ZFHX4: variants seen among roughly 807,000 people sequenced by gnomAD.
ZFHX4 encodes the protein zinc finger homeobox protein 4.
Under a neutral mutation model 267.6 loss-of-function variants are expected in ZFHX4, and 56 were observed. The observed-to-expected ratio is 0.21, with a 90% CI of 0.17 to 0.26. The LOEUF (loss-of-function observed/expected upper bound fraction) is 0.26. ZFHX4 is among the 10% of genes least tolerant of loss of function. ZFHX4 has a pLI of 1.00. For missense variants in ZFHX4, 4,332 were observed against 4,420.0 expected, an observed-to-expected ratio of 0.98 and a Z score of 0.56; for synonymous variants, 1,778 against 1,665.6, an observed-to-expected ratio of 1.07 and a Z score of -1.64.
chr8:76,784,502 T>G (rs1479000462), intron 4 of ZFHX4, among the ~76,000 whole-genome samples: 1 of 152,030 alleles, frequency 6.6e-6, no homozygotes, highest in Non-Finnish European at 1.5e-5. Context: ...GCTCTAGCCA[T>G]GGGTGATGTG....
At chr8:76,736,758 TA>T (rs1176397261) in intron 3 of ZFHX4, among the ~76,000 whole-genome samples, 1 of 152,128 alleles carries the variant, frequency 6.6e-6, no homozygotes, top group African/African-American at 2.4e-5. Flanking sequence ...TGTCATGAAT[TA>T]ATGGTTGCTT....
At chr8:76,794,235 C>T (rs1050554508) in intron 4 of ZFHX4, among the ~76,000 whole-genome samples, 16 of 151,846 alleles carry the variant, frequency 1.1e-4, no homozygotes, top group African/African-American at 3.1e-4. Context: ...ACTTTTGCAC[C>T]GCTATAGCTG....
In ZFHX4 at chr8:76,856,041, C is replaced by T; in HGVS notation, c.9120C>T (p.Gly3040=). ...TTTCAAAAGTGAGGGAGACCGTTGG[C>T]AGTCAGCTCGATCGGGAGAAAGATT... The part of the protein sequence containing the change: ...QHISKVRETV[G]SQLDREKDYL... Residue 3040 remains glycine, a synonymous_variant, in exon 10 of 11, where the codon GGC becomes GGT. Transcript: ENST00000651372. The T allele has an allele frequency of 6.2e-7, 1 of 1,613,982 alleles. No homozygotes were observed. The highest frequency in any genetic ancestry group is 8.5e-7 in the Non-Finnish European group (1 of 1,179,876).
In ZFHX4 at chr8:76,855,958, G is replaced by A. The variant is rs1360488245; in HGVS notation, c.9037G>A (p.Gly3013Arg). Reference protein sequence around the residue: ...EGTKPECTLCGVKYSARLSIR... With the variant: ...EGTKPECTLCRVKYSARLSIR... ...CACCAAACCAGAGTGTACCCTCTGC[G>A]GGGTGAAGTACTCTGCCCGCTTGTC... Residue 3013 changes from glycine (G) to arginine (R), a missense_variant, in exon 10 of 11, where the codon GGG (glycine) becomes AGG (arginine). Coordinates refer to ENST00000651372, the MANE Select transcript of ZFHX4 (RefSeq NM_024721.5). 1.9e-6 allele frequency: 3 copies of A among 1,613,768 alleles called. No individual in the cohort carries two copies. Among genetic ancestry groups the A allele is most frequent in the Non-Finnish European group, 2.5e-6 (3 of 1,179,860 alleles).
intron 3 of ZFHX4, among the ~76,000 whole-genome samples, chr8:76,756,135 T>C (rs1308357959): frequency 6.6e-6 from 1 of 152,246 alleles, no homozygotes; most frequent in Admixed American, 6.5e-5. Context: ...GTTGATGGCA[T>C]TGTCTTTTCA....
intron 4 of ZFHX4, among the ~76,000 whole-genome samples, chr8:76,790,160 T>C (rs1185549780): frequency 6.6e-6 from 1 of 152,194 alleles, no homozygotes; most frequent in Non-Finnish European, 1.5e-5. Flanking sequence ...GAAAGTACAC[T>C]TTCCTATATA....
chr8:76,777,996 GC>G (rs1810444548), intron 3 of ZFHX4, among the ~76,000 whole-genome samples: 1 of 151,582 alleles, frequency 6.6e-6, no homozygotes, highest in African/African-American at 2.4e-5. Flanking sequence ...AAGCTGGCGT[GC>G]TGCTTTCCAT....
intron 4 of ZFHX4, among the ~76,000 whole-genome samples, chr8:76,784,090 C>A (rs377200022): frequency 6.6e-6 from 1 of 151,802 alleles, no homozygotes; most frequent in African/African-American, 2.4e-5. Context: ...TAGAACCGTT[C>A]TTTACCAAAT....
At chr8:76,809,553 TC>T (rs1344954208) in intron 4 of ZFHX4, among the ~76,000 whole-genome samples, 1 of 152,190 alleles carries the variant, frequency 6.6e-6, no homozygotes, top group Non-Finnish European at 1.5e-5. Flanking sequence ...AATATTTTAT[TC>T]TTGGCTTCAA....
chr8:76,721,501 T>C (rs1025171744), intron 3 of ZFHX4, among the ~76,000 whole-genome samples: 13 of 152,140 alleles, frequency 8.5e-5, no homozygotes, highest in African/African-American at 3.1e-4. Context: ...AGCTCATCAG[T>C]TTTAAGAAGC....
intron 1 of ZFHX4, among the ~76,000 whole-genome samples, chr8:76,697,701 G>A (rs1807994670): frequency 6.6e-6 from 1 of 151,994 alleles, no homozygotes. Context: ...TTATTGAGAT[G>A]CCTGTAAATG....
intron 3 of ZFHX4, among the ~76,000 whole-genome samples, chr8:76,764,844 A>T (rs1398690162): frequency 6.6e-6 from 1 of 152,192 alleles, no homozygotes; most frequent in Non-Finnish European, 1.5e-5. Context: ...CTGTAGGTTA[A>T]GCAGTGCCTC....
At chr8:76,820,939 C>T (rs1811633050) in intron 4 of ZFHX4, among the ~76,000 whole-genome samples, 1 of 152,148 alleles carries the variant, frequency 6.6e-6, no homozygotes, top group Non-Finnish European at 1.5e-5. Context: ...TTCTGAACCT[C>T]TTTTTTAGTC....
chr8:76,744,524 C>T (rs1426561705), intron 3 of ZFHX4, among the ~76,000 whole-genome samples: 1 of 151,860 alleles, frequency 6.6e-6, no homozygotes, highest in Admixed American at 6.6e-5. Context: ...GCGATTCTCC[C>T]ACCTCAGCCT....
chr8:76,798,903 AATGC>A (rs901716611), intron 4 of ZFHX4, among the ~76,000 whole-genome samples: 2 of 152,132 alleles, frequency 1.3e-5, no homozygotes, highest in African/African-American at 4.8e-5. Flanking sequence ...AGATAGAGCA[AATGC>A]ATTTGCATCA....
At chr8:76,741,854 G>A (rs1809325563) in intron 3 of ZFHX4, among the ~76,000 whole-genome samples, 1 of 152,194 alleles carries the variant, frequency 6.6e-6, no homozygotes, top group African/African-American at 2.4e-5. Flanking sequence ...CTGTTTCAGA[G>A]ATGACCATGC....
chr8:76,843,744 G>A (rs934323864), intron 6 of ZFHX4, among the ~76,000 whole-genome samples: 5 of 152,106 alleles, frequency 3.3e-5, no homozygotes, highest in African/African-American at 1.2e-4. Flanking sequence ...ATATAAAGGA[G>A]TTTGTATTCA....
chr8:76,745,126 A>G (rs1444348008), intron 3 of ZFHX4, among the ~76,000 whole-genome samples: 1 of 152,118 alleles, frequency 6.6e-6, no homozygotes, highest in African/African-American at 2.4e-5. Context: ...TTCATCCTAT[A>G]AAACCCGGTT....
At chr8:76,717,678 C>T (rs752892451) in intron 3 of ZFHX4, among the ~76,000 whole-genome samples, 32 of 152,174 alleles carry the variant, frequency 2.1e-4, no homozygotes, top group Non-Finnish European at 2.8e-4. Context: ...CTCACTGCAG[C>T]CTTGACCTCC....
Sources: gnomAD v4.1 joint callset for allele counts (sites outside exome capture counted in the v4.1 genomes callset) on GRCh38, gnomAD v4.1.1 for gene constraint, MANE v1.5 for transcripts, NCBI Gene and HGNC (gene_info 2026-07-23, HGNC 2026-07-21) for gene names.